THSD4: variants seen among roughly 807,000 people sequenced by gnomAD.
THSD4 encodes thrombospondin type-1 domain-containing protein 4.
THSD4 carries 69 observed loss-of-function variants against 119.0 expected under a neutral mutation model. The observed-to-expected ratio is 0.58, with a 90% confidence interval of 0.48 to 0.71. The LOEUF is 0.71. Among genes scored for constraint, THSD4 ranks in the 30% least tolerant of loss-of-function variants. The probability of loss-of-function intolerance (pLI) is 0.00; values close to 1 mark genes in which losing one functional copy is unlikely to be tolerated. For synonymous variants in THSD4, 524 were observed against 540.4 expected, an observed-to-expected ratio of 0.97 and a Z score of 0.42; for missense variants, 1,393 against 1,391.1, an observed-to-expected ratio of 1.00 and a Z score of -0.02.
At chr15:71,144,174 T>C (rs1263572831) in intron 2 of THSD4, among the ~76,000 whole-genome samples, 1 of 152,178 alleles carries the variant, frequency 6.6e-6, no homozygotes, top group Non-Finnish European at 1.5e-5. Context: ...ATGTGAATTA[T>C]GAGGACAGCT....
intron 6 of THSD4, among the ~76,000 whole-genome samples, chr15:71,352,181 C>T (rs2045751918): frequency 6.6e-6 from 1 of 152,194 alleles, no homozygotes; most frequent in Non-Finnish European, 1.5e-5. Context: ...TTTTAACATC[C>T]TTTCCCAACC....
chr15:71,209,282 C>T (rs1255749745), intron 3 of THSD4, among the ~76,000 whole-genome samples: 1 of 152,200 alleles, frequency 6.6e-6, no homozygotes, highest in Non-Finnish European at 1.5e-5. Context: ...CCAAGTAATA[C>T]TAGCAGATTC....
At chr15:71,685,246 G>A (rs1055140479) in intron 8 of THSD4, among the ~76,000 whole-genome samples, 2 of 150,460 alleles carry the variant, frequency 1.3e-5, no homozygotes, top group Admixed American at 1.3e-4. Flanking sequence ...TAAATTCAAT[G>A]TGTGACACTT....
chr15:71,299,976 A>AAATATATATATATATATATATATATAT (rs1555462049), intron 6 of THSD4, among the ~76,000 whole-genome samples: 2 of 48,310 alleles, frequency 4.1e-5, no homozygotes, highest in African/African-American at 1.5e-4. Flanking sequence ...AAAAAAAAAA[A>AAATATATATATATATATATATATATAT]ATATATATAT....
intron 4 of THSD4, among the ~76,000 whole-genome samples, chr15:71,238,902 T>C (rs1487808132): frequency 1.3e-5 from 2 of 152,220 alleles, no homozygotes; most frequent in East Asian, 3.8e-4. Context: ...CCATTTTACC[T>C]ACCCACTAGG....
intron 15 of THSD4, among the ~76,000 whole-genome samples, chr15:71,764,762 GACA>G (rs139436443): frequency 0.015 from 2,259 of 152,032 alleles, 52 homozygotes; most frequent in Admixed American, 0.065. Flanking sequence ...CAGCACAGAA[GACA>G]ACAAGATCTT....
chr15:71,194,107 T>C (rs2043699725), intron 3 of THSD4, among the ~76,000 whole-genome samples: 1 of 152,238 alleles, frequency 6.6e-6, no homozygotes, highest in Admixed American at 6.5e-5. Flanking sequence ...CCTTCTGCCA[T>C]GATTGTGAGG....
chr15:71,528,452 T>A (rs1462316422), intron 7 of THSD4, among the ~76,000 whole-genome samples: 1 of 152,162 alleles, frequency 6.6e-6, no homozygotes, highest in Non-Finnish European at 1.5e-5. Context: ...TGGATAGCAC[T>A]CAAACCAAAG....
intron 7 of THSD4, among the ~76,000 whole-genome samples, chr15:71,618,860 A>T (rs1045695892): frequency 2.7e-5 from 4 of 150,816 alleles, no homozygotes; most frequent in Admixed American, 2.0e-4. Flanking sequence ...TTACAGACAT[A>T]AGCCACCGTG....
chr15:71,696,006 G>T (rs146101125), intron 8 of THSD4, among the ~76,000 whole-genome samples: 2 of 152,330 alleles, frequency 1.3e-5, no homozygotes, highest in South Asian at 4.1e-4. Flanking sequence ...AAAGCATGCA[G>T]GATGTGCCTG....
At chr15:71,706,656 G>A (rs1408952232) in intron 8 of THSD4, among the ~76,000 whole-genome samples, 1 of 152,148 alleles carries the variant, frequency 6.6e-6, no homozygotes, top group Non-Finnish European at 1.5e-5. Flanking sequence ...AGAATGCAAT[G>A]CCCTGGAGGT....
chr15:71,405,892 T>C (rs1207949363), intron 6 of THSD4, among the ~76,000 whole-genome samples: 1 of 146,080 alleles, frequency 6.8e-6, no homozygotes. Flanking sequence ...TTTTATTCTT[T>C]TTAATGCTGT....
At position 71,367,151 on chromosome 15, in the gene THSD4, A is replaced by G. The variant is rs368365552; in HGVS notation, c.1016-44536A>G. On this transcript the variant is annotated intron_variant, in intron 6 of 17. Coordinates refer to ENST00000261862, the MANE Select transcript of THSD4 (RefSeq NM_024817.3). The stretch of plus-strand genomic sequence containing the variant: ...AACAACCCATTGTGTTATAACACCC[A>G]GTTACACAAGGTTGACCTTGATGAT... Among the ~76,000 whole-genome samples the G allele has an allele frequency of 2.0e-5, 3 of 152,256 alleles. No homozygotes were observed. The East Asian group carries it at 5.8e-4, about 29-fold the overall frequency.
At chr15:71,539,401 C>A (rs936138900) in intron 7 of THSD4, among the ~76,000 whole-genome samples, 6 of 152,156 alleles carry the variant, frequency 3.9e-5, no homozygotes, top group Non-Finnish European at 8.8e-5. Flanking sequence ...CCATATGGAC[C>A]TCTGTGGAGA....
chr15:71,304,034 A>G (rs2044989718), intron 6 of THSD4, among the ~76,000 whole-genome samples: 1 of 152,142 alleles, frequency 6.6e-6, no homozygotes, highest in African/African-American at 2.4e-5. Flanking sequence ...GAGCACTAAG[A>G]GCTAATGGGC....
intron 7 of THSD4, among the ~76,000 whole-genome samples, chr15:71,659,510 C>T (rs1199848207): frequency 6.6e-6 from 1 of 152,166 alleles, no homozygotes; most frequent in East Asian, 1.9e-4. Flanking sequence ...CTCCTGACCT[C>T]AAGTGATCCT....
At chr15:71,099,065 G>A (rs990432095) in intron 1 of THSD4, among the ~76,000 whole-genome samples, 6 of 152,274 alleles carry the variant, frequency 3.9e-5, no homozygotes, top group African/African-American at 1.2e-4. Context: ...GTCTCACAGC[G>A]ACCTTTAAGA....
intron 6 of THSD4, among the ~76,000 whole-genome samples, chr15:71,293,947 G>T (rs534205485): frequency 6.6e-6 from 1 of 152,012 alleles, no homozygotes; most frequent in Non-Finnish European, 1.5e-5. Context: ...TGAGACCACC[G>T]TGAATCCTGG....
intron 6 of THSD4, among the ~76,000 whole-genome samples, chr15:71,345,353 C>T (rs1353795112): frequency 6.6e-6 from 1 of 151,954 alleles, no homozygotes; most frequent in Non-Finnish European, 1.5e-5. Context: ...GATACAGGGG[C>T]AAGGTAGGGC....
Sources: allele counts gnomAD v4.1 joint callset (sites outside exome capture counted in the v4.1 genomes callset), GRCh38; gene constraint gnomAD v4.1.1; transcripts MANE v1.5; gene names NCBI Gene and HGNC (gene_info 2026-07-23, HGNC 2026-07-21).